SPG11: variants seen among roughly 807,000 people sequenced by gnomAD.
SPG11 encodes SPG11 vesicle trafficking associated, spatacsin.
SPG11 carries 222 observed loss-of-function variants against 274.0 expected under a neutral mutation model. The ratio of observed to expected loss-of-function variants is 0.81; its 90% CI spans 0.73 to 0.91. SPG11 has a LOEUF of 0.91. Among genes scored for constraint, SPG11 ranks in the 40% least tolerant of loss-of-function variants. The pLI is 0.00. For synonymous variants in SPG11, 1,144 were observed against 1,039.7 expected (o/e 1.10, Z -1.93); for missense variants, 3,114 against 2,872.7 (o/e 1.08, Z -1.92).
At chr15:44,621,049 G>C (rs1006206683) in intron 14 of SPG11, 3 of 153,456 alleles carry the variant, frequency 2.0e-5, no homozygotes, top group African/African-American at 7.2e-5. Context: ...TATGTTGCTA[G>C]GCTGGTCTTG....
chr15:44,573,408 T>A (rs1387552582), intron 32 of SPG11, 139 bp downstream of exon 32: 4 of 880,930 alleles, frequency 4.5e-6, no homozygotes, highest in Middle Eastern at 2.2e-4. Context: ...TTGTTTTATT[T>A]AAACAAAATA....
At chr15:44,617,178 T>G (rs1238214383) in intron 15 of SPG11, among the ~76,000 whole-genome samples, 1 of 152,216 alleles carries the variant, frequency 6.6e-6, no homozygotes, top group East Asian at 1.9e-4. Flanking sequence ...GCTGGGTGAC[T>G]ACAGCTTGGC....
intron 7 of SPG11, among the ~76,000 whole-genome samples, chr15:44,636,559 G>C (rs995216179): frequency 2.6e-5 from 4 of 152,018 alleles, no homozygotes; most frequent in African/African-American, 9.7e-5. Flanking sequence ...CTACTCAGGA[G>C]GCTGAGGCAG....
At chr15:44,661,252 T>TA (rs2085097197) in intron 1 of SPG11, among the ~76,000 whole-genome samples, 1 of 152,332 alleles carries the variant, frequency 6.6e-6, no homozygotes, top group East Asian at 1.9e-4. Flanking sequence ...ACGGTAGAGT[T>TA]ACGGAATTCT....
At chr15:44,595,180 G>T in intron 26 of SPG11, 79 bp downstream of exon 26, 1 of 1,411,274 alleles carries the variant, frequency 7.1e-7, no homozygotes, top group Non-Finnish European at 1.0e-6. Flanking sequence ...ATCCAGGGAT[G>T]GAAATAAGAA....
chr15:44,615,484 C>A lies in SPG11; in HGVS notation c.2917G>T (p.Asp973Tyr). 3 of 1,613,976 alleles carry A rather than the reference C, an allele frequency of 1.9e-6. No homozygotes were observed. The highest frequency in any genetic ancestry group is 2.5e-6 in the Non-Finnish European group (3 of 1,179,950). The change falls in exon 16 of 40, where the codon GAT becomes TAT. Residue 973 changes from aspartate to tyrosine, a missense_variant. By Grantham distance (160) the Asp-to-Tyr change is radical. Transcript: ENST00000261866. ...TTGTAGTTTTGAACAGGGAGGGTAT[C>A]CTGTATTACACCTCCAATACGGCTC... ...RLSRIGGVIQ[D>Y]TLPVQNYKTK...
Position 44,598,256 on chromosome 15 carries a change from C to G in SPG11, c.4001+9G>C. ...GTTAGAAAAGAGGCTGAGACTGCAA[C>G]TCACAAACCTCTTTATTTCCTGTTG... On this transcript the variant is annotated intron_variant, in intron 23 of 39. Transcript: ENST00000261866. 6.2e-7 allele frequency: 1 copy of G among 1,603,406 alleles called. No individual in the cohort carries two copies. Among genetic ancestry groups the G allele is most frequent in the Non-Finnish European group, 8.5e-7 (1 of 1,170,234 alleles).
At chr15:44,630,976 T>C (rs2084044733) in intron 8 of SPG11, among the ~76,000 whole-genome samples, 1 of 152,196 alleles carries the variant, frequency 6.6e-6, no homozygotes. Flanking sequence ...TGAAAGCTAA[T>C]ACTACATCAG....
At chr15:44,610,646 G>C (rs1595878481) in intron 18 of SPG11, among the ~76,000 whole-genome samples, 194 bp downstream of exon 18, 1 of 152,164 alleles carries the variant, frequency 6.6e-6, no homozygotes, top group East Asian at 1.9e-4. Flanking sequence ...CCAAAGTGCT[G>C]GGATTACAGG....
At chr15:44,576,990 C>G (rs187544398) in intron 30 of SPG11, among the ~76,000 whole-genome samples, 15 of 151,980 alleles carry the variant, frequency 9.9e-5, no homozygotes, top group African/African-American at 3.4e-4. Flanking sequence ...CCACGCCCAG[C>G]TAATTTTTTG....
chr15:44,625,038 C>T (rs779752441), intron 11 of SPG11, among the ~76,000 whole-genome samples: 5 of 150,642 alleles, frequency 3.3e-5, no homozygotes, highest in South Asian at 2.1e-4. Context: ...AGGAAGCTGA[C>T]GTAGGAGAAT....
At chr15:44,569,227 T>C (rs906922237) in intron 35 of SPG11, among the ~76,000 whole-genome samples, 171 bp downstream of exon 35, 1 of 151,834 alleles carries the variant, frequency 6.6e-6, no homozygotes, top group Non-Finnish European at 1.5e-5. Flanking sequence ...CGGACTGATC[T>C]GAACCAGAAT....
chr15:44,610,971 A>G lies in SPG11; in HGVS notation c.3160T>C (p.Phe1054Leu), dbSNP rs780141037. ...TGAGCATTTGCAAGGCTAGCCTGGA[A>G]GATCAGTTTGGGATCTGGAAAATAA... ...ASNLTDPKLI[F>L]QASLANAQIL... is the part of the protein sequence containing the mutation. Residue 1054 changes from phenylalanine to leucine, a missense_variant, in exon 18 of 40, where the codon TTC becomes CTC. Physicochemically the swap from Phe to Leu is conservative, Grantham distance 22 (BLOSUM62 0). Transcript: ENST00000261866. The G allele has an allele frequency of 2.5e-6, 4 of 1,613,836 alleles. No individual in the cohort carries two copies. In the African/African-American group the frequency reaches 5.3e-5, roughly 22 times the overall value.
intron 1 of SPG11, among the ~76,000 whole-genome samples, chr15:44,662,224 C>G (rs1414065203): frequency 6.6e-6 from 1 of 152,160 alleles, no homozygotes; most frequent in Admixed American, 6.5e-5. Context: ...GTAGAGAAGA[C>G]AAACCCAGAA....
rs546666400 is a variant in SPG11, at chr15:44,627,621, G to A, written c.2067+1048C>T. ...TTTTTTTTTTTTGAGACAGAGTCTCGCACTGTCACCTGGGCTGGAGTGCAG... is the reference window on the plus strand; with the variant it reads ...TTTTTTTTTTTTGAGACAGAGTCTCACACTGTCACCTGGGCTGGAGTGCAG... On this transcript the variant is annotated intron_variant, in intron 10 of 39. Transcript: ENST00000261866. 8.7e-4 allele frequency among the ~76,000 whole-genome samples: 131 copies of A among 151,296 alleles called. 1 individual carries two copies. Among genetic ancestry groups the A allele is most frequent in the Admixed American group, 4.4e-3 (67 of 15,174 alleles).
At chr15:44,590,271 T>A (rs1157645048) in intron 27 of SPG11, 1 of 152,246 alleles carries the variant, frequency 6.6e-6, no homozygotes, top group Admixed American at 6.5e-5. Context: ...TTAAGAAGCT[T>A]GGATTTACAT....
At chr15:44,567,775 T>G (rs748036309) in intron 35 of SPG11, among the ~76,000 whole-genome samples, 183 bp from the exon 36 acceptor site, 23 of 152,164 alleles carry the variant, frequency 1.5e-4, no homozygotes, top group Non-Finnish European at 3.2e-4. Flanking sequence ...TGCTTTCCTG[T>G]TGGAAGTGTG....
Position 44,573,720 on chromosome 15 carries a change from A to C in SPG11, c.6032T>G (p.Val2011Gly), listed in dbSNP as rs111351718. 6.2e-7 allele frequency: 1 copy of C among 1,614,216 alleles called. No individual in the cohort carries two copies. Among genetic ancestry groups the C allele is most frequent in the East Asian group, 2.2e-5 (1 of 44,888 alleles). ...CATGGCTTCACCATCCTGAGCAGCAACATCTGTGTAGGAACAGCCCAACTC... is the reference window on the plus strand; with the variant it reads ...CATGGCTTCACCATCCTGAGCAGCACCATCTGTGTAGGAACAGCCCAACTC... ...AKELGCSYTD[V>G]AAQDGEAMLR... Residue 2011 changes from valine to glycine, a missense_variant, in exon 32 of 40, where the codon GTT becomes GGT. By Grantham distance (109) the Val-to-Gly change is moderately radical. Coordinates refer to ENST00000261866, the MANE Select transcript of SPG11 (RefSeq NM_025137.4).
At chr15:44,564,844 A>G in intron 38 of SPG11, 146 bp from the exon 39 acceptor site, 2 of 920,588 alleles carry the variant, frequency 2.2e-6, no homozygotes, top group East Asian at 5.3e-5. Context: ...TATGTATCAG[A>G]GGTGGTGAAA....
Sources: gnomAD v4.1 joint callset for allele counts (sites outside exome capture counted in the v4.1 genomes callset) on GRCh38, gnomAD v4.1.1 for gene constraint, MANE v1.5 for transcripts, NCBI Gene and HGNC (gene_info 2026-07-23, HGNC 2026-07-21) for gene names.